The following CAST variants were observed in gnomAD, a reference collection of about 807,000 sequenced individuals.
CAST encodes the protein calpastatin.
In CAST, 76 loss-of-function variants were observed where a neutral mutation model predicts 119.6. The ratio of observed to expected loss-of-function variants is 0.64; its 90% confidence interval spans 0.53 to 0.77. The LOEUF (loss-of-function observed/expected upper bound fraction) is 0.77. Ranked by LOEUF, CAST falls within the 30% of genes least tolerant of loss-of-function variation. CAST has a pLI of 0.00. For synonymous variants in CAST, 319 were observed against 331.6 expected (o/e 0.96, Z 0.41); for missense variants, 953 against 946.5 (o/e 1.01, Z -0.09).
chr5:96,570,370 A>T (rs1746547520), intron 1 of CAST, among the ~76,000 whole-genome samples: 1 of 152,210 alleles, frequency 6.6e-6, no homozygotes, highest in Non-Finnish European at 1.5e-5. Flanking sequence ...GGCCTGGATT[A>T]CTGTTGTAGA....
the CAST span, among the ~76,000 whole-genome samples, chr5:96,104,085 G>C: frequency 1.2e-4 from 18 of 152,074 alleles, no homozygotes; most frequent in East Asian, 3.5e-3. Flanking sequence ...GGGGTTGTTT[G>C]TTTTTTTCTT....
At chr5:96,615,439 G>A (rs1404512602) in intron 1 of CAST, among the ~76,000 whole-genome samples, 1 of 152,196 alleles carries the variant, frequency 6.6e-6, no homozygotes, top group Non-Finnish European at 1.5e-5. Context: ...GCTGCACAGG[G>A]CTGTCTCCCA....
At chr5:96,077,199 A>G in the CAST span, among the ~76,000 whole-genome samples, 2 of 152,070 alleles carry the variant, frequency 1.3e-5, no homozygotes, top group East Asian at 3.8e-4. Flanking sequence ...ACATCTTAAC[A>G]TATATACCTT....
chr5:96,471,272 C>T, the CAST span, among the ~76,000 whole-genome samples: 2 of 152,066 alleles, frequency 1.3e-5, no homozygotes, highest in South Asian at 2.1e-4. Context: ...TGAAGCCATA[C>T]CTTACCATAA....
chr5:96,527,313 C>A (rs1333573862), upstream of CAST, among the ~76,000 whole-genome samples: 1 of 152,210 alleles, frequency 6.6e-6, no homozygotes, highest in Non-Finnish European at 1.5e-5. Context: ...GTGTGGCCTT[C>A]TATCACTCCA....
At chr5:96,426,204 G>T in the CAST span, among the ~76,000 whole-genome samples, 1 of 152,112 alleles carries the variant, frequency 6.6e-6, no homozygotes, top group Non-Finnish European at 1.5e-5. Context: ...GGTTACAGTG[G>T]AAGCAAAAGT....
the CAST span, among the ~76,000 whole-genome samples, chr5:96,330,864 G>A: frequency 6.6e-6 from 1 of 152,216 alleles, no homozygotes; most frequent in Admixed American, 6.5e-5. Context: ...GAGTGACTTC[G>A]GGAGAGGGTG....
At chr5:96,587,492 T>C (rs548289098) in intron 1 of CAST, among the ~76,000 whole-genome samples, 3 of 152,310 alleles carry the variant, frequency 2.0e-5, no homozygotes, top group African/African-American at 4.8e-5. Context: ...AGTAGGCAAA[T>C]ATTTTGAATA....
At chr5:96,160,139 CA>C in the CAST span, among the ~76,000 whole-genome samples, 3 of 148,450 alleles carry the variant, frequency 2.0e-5, no homozygotes, top group African/African-American at 7.5e-5. Flanking sequence ...AGACTCGTCG[CA>C]AAAGAAAAAA....
the CAST span, among the ~76,000 whole-genome samples, chr5:96,276,152 C>A: frequency 1.3e-5 from 2 of 152,042 alleles, no homozygotes; most frequent in African/African-American, 4.8e-5. Context: ...AGTGTTTCAA[C>A]GATAGATTTG....
At chr5:96,349,414 A>T in the CAST span, among the ~76,000 whole-genome samples, 1 of 152,034 alleles carries the variant, frequency 6.6e-6, no homozygotes, top group Admixed American at 6.6e-5. Flanking sequence ...TTTTAAAAAG[A>T]TCTACTTTTA....
chr5:96,618,149 A>G (rs1034472539), intron 1 of CAST, among the ~76,000 whole-genome samples: 5 of 152,210 alleles, frequency 3.3e-5, no homozygotes, highest in Non-Finnish European at 7.3e-5. Context: ...GCCCACTTGC[A>G]GAGAGGAGAA....
the CAST span, among the ~76,000 whole-genome samples, chr5:96,189,827 CAT>C: frequency 7.0e-3 from 1,071 of 152,174 alleles, 11 homozygotes; most frequent in African/African-American, 0.025. Flanking sequence ...TTGTTTTTAA[CAT>C]TATTTAAAAA....
chr5:96,230,983 A>G, the CAST span, among the ~76,000 whole-genome samples: 1 of 152,160 alleles, frequency 6.6e-6, no homozygotes, highest in Non-Finnish European at 1.5e-5. Flanking sequence ...CAAGACAGTG[A>G]CAAGTGCTGA....
chr5:96,757,530 C>T (rs1387129312), intron 23 of CAST, 36 bp downstream of exon 23: 3 of 1,612,632 alleles, frequency 1.9e-6, no homozygotes, highest in Non-Finnish European at 2.5e-6. Flanking sequence ...ATATCTTTTC[C>T]TTTTGGCCCT....
the CAST span, among the ~76,000 whole-genome samples, chr5:95,971,222 A>G: frequency 6.6e-6 from 1 of 152,180 alleles, no homozygotes. Flanking sequence ...TAGGTTCCTG[A>G]ATCTCTTTTT....
the CAST span, among the ~76,000 whole-genome samples, chr5:95,997,758 T>C: frequency 6.6e-6 from 1 of 152,086 alleles, no homozygotes; most frequent in Non-Finnish European, 1.5e-5. Context: ...AGTAGGATCT[T>C]GCCATCCTCA....
chr5:96,507,870 A>G, the CAST span, among the ~76,000 whole-genome samples: 1 of 152,176 alleles, frequency 6.6e-6, no homozygotes, highest in Admixed American at 6.5e-5. Context: ...GTTTACCGTC[A>G]GTAGAAGGTG....
At chr5:96,198,766 G>T in the CAST span, among the ~76,000 whole-genome samples, 1 of 152,090 alleles carries the variant, frequency 6.6e-6, no homozygotes, top group South Asian at 2.1e-4. Flanking sequence ...GTGGAGTGAG[G>T]GTGTTTGACA....
Sources: allele counts gnomAD v4.1 joint callset (sites outside exome capture counted in the v4.1 genomes callset), GRCh38; gene constraint gnomAD v4.1.1; transcripts MANE v1.5; gene names NCBI Gene and HGNC (gene_info 2026-07-23, HGNC 2026-07-21).